The following RBFOX1 variants were observed in gnomAD, a reference collection of about 807,000 sequenced individuals.
RBFOX1 encodes the protein RNA binding protein fox-1 homolog 1.
A neutral mutation model predicts 57.7 loss-of-function variants in RBFOX1; 8 were observed. The ratio of observed to expected loss-of-function variants is 0.14; its 90% CI spans 0.08 to 0.25. The LOEUF (loss-of-function observed/expected upper bound fraction) is 0.25, where lower values mean the gene tolerates loss of function less well. RBFOX1 is among the 10% of genes least tolerant of loss of function. RBFOX1 has a pLI of 1.00. For missense variants in RBFOX1, 611 were observed against 548.5 expected, an observed-to-expected ratio of 1.11 and a Z score of -1.14; for synonymous variants, 326 against 222.4, an observed-to-expected ratio of 1.47 and a Z score of -4.15.
In RBFOX1 at chr16:6,412,812, C is replaced by T. The variant is rs373035624; in HGVS notation, c.-64+95755C>T. ...CAAGAGTGTGGAATTGTGAGCCCGA[C>T]ATGCTTACACATCAGTCTTTCTGCT... On this transcript the variant is annotated intron_variant, in intron 2 of 15. Coordinates refer to ENST00000550418, the MANE Select transcript of RBFOX1 (RefSeq NM_018723.4). 2.0e-5 allele frequency among the ~76,000 whole-genome samples: 3 copies of T among 152,200 alleles called. No homozygotes were observed. In the East Asian group the frequency reaches 5.8e-4, roughly 29 times the overall value.
At chr16:5,301,901 C>A (rs1195883495) in intron 1 of RBFOX1, among the ~76,000 whole-genome samples, 1 of 151,950 alleles carries the variant, frequency 6.6e-6, no homozygotes, top group African/African-American at 2.4e-5. Flanking sequence ...TTTAAGAAAC[C>A]AGCTTTTGTT....
chr16:5,312,609 T>G (rs2064122452), intron 1 of RBFOX1, among the ~76,000 whole-genome samples: 1 of 152,174 alleles, frequency 6.6e-6, no homozygotes, highest in African/African-American at 2.4e-5. Flanking sequence ...GCCACCATGC[T>G]TGGTGACATG....
At chr16:6,792,225 C>G (rs576721019) in intron 3 of RBFOX1, among the ~76,000 whole-genome samples, 30 of 152,178 alleles carry the variant, frequency 2.0e-4, no homozygotes, top group Admixed American at 1.8e-3. Context: ...TTTTAAAGCA[C>G]TATTGGAGAA....
intron 3 of RBFOX1, among the ~76,000 whole-genome samples, chr16:6,914,095 G>A (rs955974398): frequency 6.6e-6 from 1 of 152,160 alleles, no homozygotes; most frequent in African/African-American, 2.4e-5. Flanking sequence ...TCTATCCAGT[G>A]CTAAAACATT....
At chr16:6,636,185 T>C (rs1303667170) in intron 2 of RBFOX1, among the ~76,000 whole-genome samples, 1 of 152,170 alleles carries the variant, frequency 6.6e-6, no homozygotes, top group Non-Finnish European at 1.5e-5. Context: ...ATTTTTTCTT[T>C]TTTGAGATGG....
At chr16:6,762,920 C>T (rs963895791) in intron 3 of RBFOX1, among the ~76,000 whole-genome samples, 4 of 152,136 alleles carry the variant, frequency 2.6e-5, no homozygotes, top group African/African-American at 9.7e-5. Flanking sequence ...AAGGTAGCAT[C>T]TGAGCTGAAA....
intron 4 of RBFOX1, among the ~76,000 whole-genome samples, chr16:7,330,999 A>C (rs2096684640): frequency 6.6e-6 from 1 of 152,118 alleles, no homozygotes; most frequent in East Asian, 1.9e-4. Flanking sequence ...CTGTTATGGG[A>C]GCTTTTTGAA....
chr16:7,130,608 G>A (rs969644421), intron 4 of RBFOX1, among the ~76,000 whole-genome samples: 1 of 152,152 alleles, frequency 6.6e-6, no homozygotes, highest in Admixed American at 6.5e-5. Flanking sequence ...AGCATATGTA[G>A]GGTCTGCAGT....
intron 4 of RBFOX1, among the ~76,000 whole-genome samples, chr16:7,280,717 T>C (rs1215985671): frequency 1.3e-5 from 2 of 152,146 alleles, no homozygotes; most frequent in Non-Finnish European, 2.9e-5. Flanking sequence ...TGATAGTTCA[T>C]TGATATGAGT....
chr16:5,258,805 A>T (rs1015607885), intron 1 of RBFOX1, among the ~76,000 whole-genome samples: 6 of 151,990 alleles, frequency 3.9e-5, no homozygotes, highest in African/African-American at 1.5e-4. Context: ...AGTCCCACCT[A>T]CTCGGGAGGC....
At chr16:7,709,381 T>C in intron 15 of RBFOX1, 1 of 1,209,904 alleles carries the variant, frequency 8.3e-7, no homozygotes, top group Middle Eastern at 2.0e-4. Context: ...GCACTTACCT[T>C]AATGGAATAA....
intron 2 of RBFOX1, among the ~76,000 whole-genome samples, chr16:6,376,450 A>G (rs2091188829): frequency 6.6e-6 from 1 of 152,202 alleles, no homozygotes; most frequent in Admixed American, 6.5e-5. Flanking sequence ...TGAAGGCATT[A>G]AGGGTGAATC....
In RBFOX1 at chr16:5,424,924, T is replaced by TCTCTC. The variant is rs1491572644; in HGVS notation, c.220-42292_220-42291insCTCTC. Among the ~76,000 whole-genome samples, 38 of 115,594 alleles carry TCTCTC rather than the reference T, an allele frequency of 3.3e-4. No individual in the cohort carries two copies. The East Asian group carries it at 5.0e-3, about 15-fold the overall frequency. The allele number at this position is 115,594 out of a possible 152,430, so 75.8% of individuals were successfully genotyped here. On this transcript the variant is annotated intron_variant, in intron 1 of 2. Transcript: ENST00000585867. ...CTTTCTTTCTTTCTTTCTTTCTTTC[T>TCTCTC]TTCTTTCTTTCTCTCTCTTCTTTCT... is the stretch of plus-strand genomic sequence containing the variant.
chr16:5,464,034 A>T (rs776375549), intron 1 of RBFOX1, among the ~76,000 whole-genome samples: 7 of 152,150 alleles, frequency 4.6e-5, no homozygotes, highest in African/African-American at 7.2e-5. Context: ...TAGCCCCGTG[A>T]TGGACCAGCA....
intron 2 of RBFOX1, among the ~76,000 whole-genome samples, chr16:5,543,044 A>C (rs983505469): frequency 6.6e-6 from 1 of 152,200 alleles, no homozygotes; most frequent in Non-Finnish European, 1.5e-5. Flanking sequence ...AGGAGTGGGG[A>C]ATAATTAATC....
intron 3 of RBFOX1, among the ~76,000 whole-genome samples, chr16:5,785,012 G>A (rs2054452344): frequency 6.6e-6 from 1 of 152,156 alleles, no homozygotes; most frequent in Non-Finnish European, 1.5e-5. Context: ...GGGTTGTTGT[G>A]GGGATTAAAT....
chr16:6,335,943 G>A (rs1347665833), intron 2 of RBFOX1, among the ~76,000 whole-genome samples: 1 of 150,242 alleles, frequency 6.7e-6, no homozygotes, highest in Non-Finnish European at 1.5e-5. Flanking sequence ...CTCACAGTAG[G>A]CAGTGGGTGA....
At chr16:6,909,329 C>G (rs546823549) in intron 3 of RBFOX1, among the ~76,000 whole-genome samples, 4 of 152,178 alleles carry the variant, frequency 2.6e-5, no homozygotes, top group African/African-American at 9.6e-5. Context: ...TCTGGTCTTC[C>G]TCTTGTAAGG....
intron 3 of RBFOX1, among the ~76,000 whole-genome samples, chr16:7,029,067 TATATATATATATATACACACACAC>T (rs1166361664): frequency 2.0e-4 from 7 of 34,674 alleles, no homozygotes; most frequent in African/African-American, 1.3e-3. Context: ...TATATATATA[TATATATATATATATACACACACAC>T]ACACACACAC....
Sources: gnomAD v4.1 joint callset for allele counts (sites outside exome capture counted in the v4.1 genomes callset) on GRCh38, gnomAD v4.1.1 for gene constraint, MANE v1.5 for transcripts, NCBI Gene and HGNC (gene_info 2026-07-23, HGNC 2026-07-21) for gene names.